The following EHBP1 variants were observed in gnomAD, a reference collection of about 807,000 sequenced individuals.
EHBP1 encodes the protein EH domain binding protein 1.
EHBP1 carries 55 observed loss-of-function variants against 144.0 expected under a neutral mutation model. The ratio of observed to expected loss-of-function variants is 0.38; its 90% CI spans 0.31 to 0.48. The LOEUF is 0.48. Ranked by LOEUF, EHBP1 falls within the 20% of genes least tolerant of loss-of-function variation. The pLI is 0.98. For synonymous variants in EHBP1, 469 were observed against 472.7 expected (o/e 0.99, Z 0.10); for missense variants, 1,200 against 1,364.2 (o/e 0.88, Z 1.90).
intron 9 of EHBP1, among the ~76,000 whole-genome samples, chr2:62,869,970 A>G (rs1332602746): frequency 6.6e-6 from 1 of 152,186 alleles, no homozygotes; most frequent in Non-Finnish European, 1.5e-5. Flanking sequence ...TAATATAATT[A>G]TATGATCACT....
At chr2:62,831,229 C>A in intron 7 of EHBP1, 71 bp downstream of exon 7, 2 of 1,422,916 alleles carry the variant, frequency 1.4e-6, no homozygotes, top group East Asian at 2.6e-5. Flanking sequence ...TCTCATTTCC[C>A]AGGAAAAAAC....
intron 1 of EHBP1, among the ~76,000 whole-genome samples, chr2:62,689,238 T>C (rs1012291403): frequency 2.6e-5 from 4 of 152,142 alleles, no homozygotes; most frequent in Non-Finnish European, 5.9e-5. Context: ...ACAAGAAATA[T>C]CAGTATGTAT....
At chr2:62,806,367 G>GTTTGTTTTTT (rs1316737097) in intron 5 of EHBP1, among the ~76,000 whole-genome samples, 1 of 151,394 alleles carries the variant, frequency 6.6e-6, no homozygotes, top group Non-Finnish European at 1.5e-5. Context: ...TTTTCGTTTG[G>GTTTGTTTTTT]TTTGTTTTTT....
intron 10 of EHBP1, among the ~76,000 whole-genome samples, chr2:62,905,998 A>C (rs1391748875): frequency 6.7e-6 from 1 of 149,424 alleles, no homozygotes; most frequent in Non-Finnish European, 1.5e-5. Context: ...GATGCTTTTG[A>C]CGTTGTATAT....
intron 10 of EHBP1, among the ~76,000 whole-genome samples, chr2:62,923,298 G>C (rs1284115997): frequency 6.6e-6 from 1 of 152,206 alleles, no homozygotes; most frequent in Non-Finnish European, 1.5e-5. Flanking sequence ...CAGCCTGGCA[G>C]TCTTGCCCAG....
At chr2:62,982,052 A>G (rs1473547737) in intron 15 of EHBP1, among the ~76,000 whole-genome samples, 1 of 152,222 alleles carries the variant, frequency 6.6e-6, no homozygotes, top group Non-Finnish European at 1.5e-5. Context: ...GCCTGTCTTC[A>G]TAAAGGGATA....
intron 1 of EHBP1, among the ~76,000 whole-genome samples, chr2:62,685,929 A>G (rs1180378279): frequency 6.6e-6 from 1 of 152,218 alleles, no homozygotes; most frequent in Non-Finnish European, 1.5e-5. Flanking sequence ...AAGAAAAATC[A>G]AAATTCTTTT....
At chr2:62,937,889 G>A (rs1222286706) in intron 10 of EHBP1, among the ~76,000 whole-genome samples, 1 of 152,126 alleles carries the variant, frequency 6.6e-6, no homozygotes, top group East Asian at 1.9e-4. Context: ...ACTTTAAGCC[G>A]TGCTTTAAGG....
intron 5 of EHBP1, among the ~76,000 whole-genome samples, chr2:62,816,863 ATTTT>A (rs2045488215): frequency 6.6e-6 from 1 of 152,002 alleles, no homozygotes; most frequent in South Asian, 2.1e-4. Context: ...AGGAATACCT[ATTTT>A]GCTCCATTTC....
intron 1 of EHBP1, among the ~76,000 whole-genome samples, chr2:62,686,860 T>C (rs576902513): frequency 6.6e-6 from 1 of 152,368 alleles, no homozygotes; most frequent in South Asian, 2.1e-4. Flanking sequence ...TGGGTTCCTT[T>C]AAAGACATAA....
At chr2:62,954,650 A>G (rs2057585814) in intron 13 of EHBP1, among the ~76,000 whole-genome samples, 1 of 152,316 alleles carries the variant, frequency 6.6e-6, no homozygotes, top group Middle Eastern at 3.4e-3. Flanking sequence ...ATCTTAAAAA[A>G]GATGGTTTCA....
intron 5 of EHBP1, among the ~76,000 whole-genome samples, chr2:62,773,333 A>G: frequency 6.6e-6 from 1 of 152,076 alleles, no homozygotes; most frequent in East Asian, 1.9e-4. Flanking sequence ...AACTCTTTTT[A>G]CCTGCTCTGG....
intron 10 of EHBP1, among the ~76,000 whole-genome samples, chr2:62,902,133 A>G (rs930205872): frequency 1.3e-5 from 2 of 152,184 alleles, no homozygotes; most frequent in African/African-American, 4.8e-5. Flanking sequence ...TACACGTTCT[A>G]CAAGAGCATT....
chr2:62,888,467 T>A (rs1195085073), intron 10 of EHBP1, among the ~76,000 whole-genome samples: 2 of 152,268 alleles, frequency 1.3e-5, no homozygotes, highest in Admixed American at 6.5e-5. Context: ...CTCATTTATA[T>A]CAGTATATCG....
chr2:63,036,905 A>C (rs2061461126), intron 19 of EHBP1, among the ~76,000 whole-genome samples: 1 of 151,896 alleles, frequency 6.6e-6, no homozygotes. Flanking sequence ...CACTCTGCTC[A>C]CATGTTTTCT....
intron 1 of EHBP1, among the ~76,000 whole-genome samples, chr2:62,678,109 C>T (rs778019396): frequency 5.9e-5 from 9 of 152,148 alleles, no homozygotes; most frequent in African/African-American, 1.9e-4. Flanking sequence ...ACAGCGTACC[C>T]GTTCCCTTTT....
chr2:62,829,121 A>G (rs2046575985), intron 6 of EHBP1, among the ~76,000 whole-genome samples: 1 of 152,098 alleles, frequency 6.6e-6, no homozygotes. Context: ...GTCTTAAAAA[A>G]AAGAAAAAAA....
intron 2 of EHBP1, among the ~76,000 whole-genome samples, chr2:62,711,824 A>G (rs1479068620): frequency 6.6e-6 from 1 of 152,192 alleles, no homozygotes; most frequent in East Asian, 1.9e-4. Flanking sequence ...AGGTTGAGCA[A>G]GGTGACCGTT....
intron 9 of EHBP1, among the ~76,000 whole-genome samples, chr2:62,867,862 G>A (rs2050163359): frequency 1.3e-5 from 2 of 152,056 alleles, no homozygotes; most frequent in Non-Finnish European, 2.9e-5. Context: ...GTGACTGGAA[G>A]AGAGCCTGGA....
Sources: gnomAD v4.1 joint callset for allele counts (sites outside exome capture counted in the v4.1 genomes callset) on GRCh38, gnomAD v4.1.1 for gene constraint, MANE v1.5 for transcripts, NCBI Gene and HGNC (gene_info 2026-07-23, HGNC 2026-07-21) for gene names.